The following SLC25A46 variants were observed in gnomAD, a reference collection of about 807,000 sequenced individuals.
SLC25A46 encodes mitochondrial outer membrane protein SLC25A46.
Under a neutral mutation model 44.6 loss-of-function variants are expected in SLC25A46, and 39 were observed. The ratio of observed to expected loss-of-function variants is 0.87; its 90% CI spans 0.68 to 1.14. The LOEUF is 1.14. Ranked by LOEUF, SLC25A46 falls within the 50% of genes most tolerant of loss-of-function variation. The probability of loss-of-function intolerance (pLI) is 0.00; values close to 1 mark genes in which losing one functional copy is unlikely to be tolerated. For missense variants in SLC25A46, 547 were observed against 522.7 expected (o/e 1.05, Z -0.45); for synonymous variants, 202 against 185.8 (o/e 1.09, Z -0.71).
In SLC25A46 at chr5:110,742,104, A is replaced by G. The variant is rs372028597; in HGVS notation, c.326+15A>G. On this transcript the variant is annotated intron_variant, in intron 2 of 7. Transcript: ENST00000355943. ...GGACTTGCAAGGTAATGTTTTATCTAAAGACGTTTACAGCTTTTATTTATT... is the reference window on the plus strand; with the variant it reads ...GGACTTGCAAGGTAATGTTTTATCTGAAGACGTTTACAGCTTTTATTTATT... The G allele has an allele frequency of 1.8e-4, 279 of 1,538,030 alleles. No homozygotes were observed. The highest frequency in any genetic ancestry group is 3.5e-4 in the Middle Eastern group (2 of 5,656).
At chr5:110,753,024 C>G (rs1419781225) in intron 5 of SLC25A46, among the ~76,000 whole-genome samples, 1 of 152,124 alleles carries the variant, frequency 6.6e-6, no homozygotes, top group Non-Finnish European at 1.5e-5. Flanking sequence ...GCTAGTGGAG[C>G]ACAGGGGCAA....
rs776771749 is a variant in SLC25A46, at chr5:110,761,773, T to C, written c.1248T>C (p.Asn416=). Residue 416 remains asparagine (N), a synonymous_variant, in exon 8 of 8, where the codon AAT becomes AAC. Transcript: ENST00000355943. This position sits in a 1 kb window ranked among gnomAD's most constrained non-coding sequence, Gnocchi z 5.3. ...TTATTTACTCTACACTTCTTCAAAA[T>C]AACATTTGAGATTTAGGTTCCTTCA... ...TKIIYSTLLQ[N]NI 1.2e-6 allele frequency: 2 copies of C among 1,606,448 alleles called. No individual in the cohort carries two copies. The highest frequency in any genetic ancestry group is 2.7e-5 in the African/African-American group (2 of 74,692).
chr5:110,754,967 G>T (rs1800070847), intron 5 of SLC25A46: 1 of 152,362 alleles, frequency 6.6e-6, no homozygotes, highest in South Asian at 2.1e-4. Context: ...TGCTCACAAA[G>T]ATAATAGAAT....
intron 4 of SLC25A46, 129 bp downstream of exon 4, chr5:110,746,475 G>A (rs889457962): frequency 3.4e-6 from 2 of 596,498 alleles, no homozygotes; most frequent in Admixed American, 3.4e-5. Context: ...TAAAACTAAA[G>A]TAGCACAACG....
At chr5:110,740,379 A>T (rs1799631294) in intron 1 of SLC25A46, among the ~76,000 whole-genome samples, 1 of 152,170 alleles carries the variant, frequency 6.6e-6, no homozygotes, top group Non-Finnish European at 1.5e-5. Flanking sequence ...GTAAATGAGG[A>T]TGTGAAGAAA....
intron 3 of SLC25A46, 55 bp downstream of exon 3, chr5:110,743,842 G>A (rs1222638461): frequency 1.5e-6 from 2 of 1,323,784 alleles, no homozygotes; most frequent in Non-Finnish European, 2.1e-6. Flanking sequence ...TAATATGAAG[G>A]GCAGAACTCA....
chr5:110,756,641 A>T (rs1218034927), intron 6 of SLC25A46, 61 bp from the exon 7 acceptor site: 2 of 1,167,326 alleles, frequency 1.7e-6, no homozygotes, highest in Admixed American at 2.5e-5. Context: ...AGCAGATATT[A>T]AAAAATTTAG....
chr5:110,761,443 G>T lies in SLC25A46; in HGVS notation c.918G>T (p.Val306=). 6.2e-7 allele frequency: 1 copy of T among 1,613,752 alleles called. No homozygotes were observed. Among genetic ancestry groups the T allele is most frequent in the Non-Finnish European group, 8.5e-7 (1 of 1,179,810 alleles). The change falls in exon 8 of 8, where the codon GTG becomes GTT. Residue 306 remains valine (V), a synonymous_variant. Coordinates refer to ENST00000355943, the MANE Select transcript of SLC25A46 (RefSeq NM_138773.4). This position sits in a 1 kb window ranked among gnomAD's most constrained non-coding sequence, Gnocchi z 5.3. ...NSHLAESTSP[V]QSMLDAYFPE... is the part of the protein sequence containing the mutation. ...ACCTAGCTGAGAGCACTAGCCCTGT[G>T]CAGAGTATGTTGGATGCTTATTTTC...
intron 5 of SLC25A46, chr5:110,753,301 G>GATTT: frequency 7.2e-6 from 1 of 138,572 alleles, no homozygotes; most frequent in African/African-American, 2.6e-5. Context: ...GTTGGGGTAA[G>GATTT]TTTTTTTTTT....
At chr5:110,752,043 C>G (rs962505318) in intron 5 of SLC25A46, among the ~76,000 whole-genome samples, 3 of 152,118 alleles carry the variant, frequency 2.0e-5, no homozygotes, top group African/African-American at 7.2e-5. Context: ...AACAGCAGTT[C>G]ACAGAAGCTA....
chr5:110,752,996 T>C (rs546864989), intron 5 of SLC25A46, among the ~76,000 whole-genome samples: 1 of 151,992 alleles, frequency 6.6e-6, no homozygotes, highest in South Asian at 2.1e-4. Flanking sequence ...GAAGGCAGGA[T>C]AAAAACCAAC....
Position 110,761,386 on chromosome 5 carries a change from A to G in SLC25A46, c.861A>G (p.Leu287=). The change falls in exon 8 of 8, where the codon CTA becomes CTG. Residue 287 remains leucine, a synonymous_variant. Coordinates refer to ENST00000355943, the MANE Select transcript of SLC25A46 (RefSeq NM_138773.4). The surrounding 1 kb of genome is among the most constrained non-coding windows in gnomAD (Gnocchi z 5.3). ...GCTCAGTTATTCAGAAGTTTGTCCT[A>G]CTAATTCTAAAGAGAAAGACTTACA... ...IISSVIQKFV[L]LILKRKTYNS... 1 of 1,613,726 alleles carries G rather than the reference A, an allele frequency of 6.2e-7. No individual in the cohort carries two copies. The highest frequency in any genetic ancestry group is 1.1e-5 in the South Asian group (1 of 91,072).
chr5:110,743,806 A>T lies in SLC25A46; in HGVS notation c.384+19A>T. 6.3e-7 allele frequency: 1 copy of T among 1,594,692 alleles called. No homozygotes were observed. Among genetic ancestry groups the T allele is most frequent in the Non-Finnish European group, 8.6e-7 (1 of 1,165,496 alleles). ...ATGTCAGGTAAATGTAATTTCTGTGATCTTTTGAAGCAATACTTCTGACCC... is the reference window on the plus strand; with the variant it reads ...ATGTCAGGTAAATGTAATTTCTGTGTTCTTTTGAAGCAATACTTCTGACCC... On this transcript the variant is annotated intron_variant, in intron 3 of 7. Transcript: ENST00000355943.
At position 110,742,058 on chromosome 5, in the gene SLC25A46, A is replaced by G; in HGVS notation, c.295A>G (p.Arg99Gly). Residue 99 changes from arginine (R) to glycine (G), a missense_variant, in exon 2 of 8, where the codon AGA becomes GGA. Transcript: ENST00000355943. Reference sequence around the variant, plus strand: ...TTTTTTTACTTTAGAACAGCTGAATAGATTTGCTGGATTTGGTATTGGACT... The same window carrying G: ...TTTTTTTACTTTAGAACAGCTGAATGGATTTGCTGGATTTGGTATTGGACT... ...VQGQSSEQLN[R>G]FAGFGIGLAS... 1.9e-6 allele frequency: 3 copies of G among 1,575,450 alleles called. No individual in the cohort carries two copies. The highest frequency in any genetic ancestry group is 2.6e-6 in the Non-Finnish European group (3 of 1,158,416).
chr5:110,755,309 CTG>C, intron 5 of SLC25A46, 154 bp from the exon 6 acceptor site: 1 of 534,424 alleles, frequency 1.9e-6, no homozygotes. Flanking sequence ...GTTGTTTACA[CTG>C]TGTTCTAGAA....
chr5:110,748,029 G>A (rs1478999584), intron 4 of SLC25A46, 134 bp from the exon 5 acceptor site: 1 of 589,750 alleles, frequency 1.7e-6, no homozygotes, highest in East Asian at 2.9e-5. Flanking sequence ...AAAATTAATT[G>A]TAGTTCTCTA....
At chr5:110,739,507 C>T in intron 1 of SLC25A46, 105 bp downstream of exon 1, 5 of 1,416,234 alleles carry the variant, frequency 3.5e-6, no homozygotes, top group Non-Finnish European at 4.7e-6. Context: ...CCTATTCCTT[C>T]TCATCCTATC....
Position 110,756,734 on chromosome 5 carries a change from C to A in SLC25A46, c.653C>A (p.Ser218Ter). Residue 218 changes from serine to a stop codon, truncating the protein, a stop_gained, in exon 7 of 8, where the codon TCA becomes TAA. Coordinates refer to ENST00000355943, the MANE Select transcript of SLC25A46 (RefSeq NM_138773.4). LOFTEE classifies it high-confidence loss of function. Reference sequence around the variant, plus strand: ...TACGTGGTGGCAATGCCTTTTTATTCAGCAAGTCTGATTGAAACAGTGCAG... The same window carrying A: ...TACGTGGTGGCAATGCCTTTTTATTAAGCAAGTCTGATTGAAACAGTGCAG... ...LTYVVAMPFYSASLIETVQSE... is the reference protein window; with the variant it reads ...LTYVVAMPFY 1 of 1,568,840 alleles carries A rather than the reference C, an allele frequency of 6.4e-7. No homozygotes were observed. The highest frequency in any genetic ancestry group is 8.6e-7 in the Non-Finnish European group (1 of 1,164,330).
chr5:110,748,996 A>G (rs572979310), intron 5 of SLC25A46, among the ~76,000 whole-genome samples: 4 of 152,190 alleles, frequency 2.6e-5, no homozygotes, highest in Non-Finnish European at 4.4e-5. Context: ...AGACAGATTT[A>G]TGGAGATCTA....
Sources: allele counts gnomAD v4.1 joint callset (sites outside exome capture counted in the v4.1 genomes callset), GRCh38; gene constraint gnomAD v4.1.1; non-coding constraint Gnocchi (gnomAD v3.1); transcripts MANE v1.5; gene names NCBI Gene and HGNC (gene_info 2026-07-23, HGNC 2026-07-21).